Variants in GK observed in about 807,000 individuals in gnomAD.
The protein encoded by GK is ATP:glycerol 3-phosphotransferase.
Under a neutral mutation model 56.4 loss-of-function variants are expected in GK, and 9 were observed. The ratio of observed to expected loss-of-function variants is 0.16; its 90% CI spans 0.10 to 0.28. The LOEUF (loss-of-function observed/expected upper bound fraction) is 0.28. GK is among the 10% of genes least tolerant of loss of function. The probability of loss-of-function intolerance (pLI) is 1.00; values close to 1 mark genes in which losing one functional copy is unlikely to be tolerated. For missense variants in GK, 161 were observed against 431.4 expected (o/e 0.37, Z 5.55); for synonymous variants, 104 against 144.1 (o/e 0.72, Z 1.99).
intron 18 of GK, among the ~76,000 whole-genome samples, chrX:30,723,046 G>C (rs537552432): frequency 7.1e-5 from 8 of 112,144 alleles, no homozygotes; most frequent in African/African-American, 2.6e-4. Context: ...TGTCTCAGAG[G>C]AATGCAATTC....
intron 9 of GK, among the ~76,000 whole-genome samples, chrX:30,699,240 TAACATG>T: frequency 2.0e-5 from 2 of 99,413 alleles, no homozygotes; most frequent in Non-Finnish European, 4.0e-5. Flanking sequence ...ATGTTATGTA[TAACATG>T]TTATATATAC....
rs1281221171 is a variant in GK, at chrX:30,729,931, A to G, written c.*1189A>G. Reference sequence around the variant, plus strand: ...AATACCTAAGTAGAAAAAAATATAGAAATAAAGCCAAGAATCTCTTTCAGT... The same window carrying G: ...AATACCTAAGTAGAAAAAAATATAGGAATAAAGCCAAGAATCTCTTTCAGT... On this transcript the variant is annotated 3_prime_UTR_variant, in exon 21 of 21. Coordinates refer to ENST00000427190, the MANE Select transcript of GK (RefSeq NM_001205019.2). 3 of 112,348 alleles carry G rather than the reference A, an allele frequency of 2.7e-5. No individual in the cohort carries two copies. The highest frequency in any genetic ancestry group is 5.6e-5 in the Non-Finnish European group (3 of 53,138). 9.3% of individuals were successfully genotyped at this position (112,348 alleles called of 1,213,427 possible).
At chrX:30,692,822 A>G (rs1935034178) in intron 5 of GK, among the ~76,000 whole-genome samples, 1 of 109,086 alleles carries the variant, frequency 9.2e-6, no homozygotes, top group African/African-American at 3.3e-5. Context: ...ACCTTGAGTT[A>G]AGATTTTTAA....
intron 5 of GK, among the ~76,000 whole-genome samples, chrX:30,692,436 A>G (rs1323476594): frequency 4.7e-5 from 5 of 106,710 alleles, no homozygotes; most frequent in Non-Finnish European, 7.8e-5. Context: ...TTTTGGGATG[A>G]CCCTTGTTCC....
At chrX:30,661,795 A>G (rs1213389530) in intron 1 of GK, among the ~76,000 whole-genome samples, 1 of 112,105 alleles carries the variant, frequency 8.9e-6, no homozygotes, top group Non-Finnish European at 1.9e-5. Context: ...CCAGCAAAAA[A>G]CCAAATGACC....
At chrX:30,715,261 G>A (rs57433711) in intron 13 of GK, among the ~76,000 whole-genome samples, 1 of 112,015 alleles carries the variant, frequency 8.9e-6, no homozygotes, top group Non-Finnish European at 1.9e-5. Context: ...AGCTTTTGAA[G>A]AAAAATGTAT....
intron 19 of GK, among the ~76,000 whole-genome samples, chrX:30,726,350 C>T (rs1451701223): frequency 2.8e-5 from 3 of 105,565 alleles, no homozygotes; most frequent in East Asian, 3.0e-4. Context: ...TGCAATGGCA[C>T]GATCTCTGCT....
chrX:30,696,258 A>C, intron 7 of GK, 107 bp downstream of exon 7: 1 of 529,734 alleles, frequency 1.9e-6, no homozygotes, highest in Non-Finnish European at 3.4e-6. Context: ...TTAACTGTTG[A>C]TATTTCAACT....
intron 5 of GK, 143 bp downstream of exon 5, chrX:30,691,342 A>C: frequency 2.3e-6 from 1 of 431,069 alleles, no homozygotes; most frequent in South Asian, 3.8e-5. Context: ...ATTGAGGCCA[A>C]CTCAAGTCTT....
intron 18 of GK, among the ~76,000 whole-genome samples, chrX:30,722,830 G>A (rs1936968864): frequency 9.0e-6 from 1 of 111,349 alleles, no homozygotes; most frequent in East Asian, 2.8e-4. Flanking sequence ...TCTGAAGTGA[G>A]TGATTCTTGA....
chrX:30,672,159 C>CAAAAAAAAAAAAAAAAAAAAAA (rs66675920), intron 3 of GK: 1 of 21,170 alleles, frequency 4.7e-5, no homozygotes, highest in Non-Finnish European at 7.5e-5. Flanking sequence ...AACTCCATCT[C>CAAAAAAAAAAAAAAAAAAAAAA]AAAAAAAAAA....
chrX:30,692,661 T>C (rs1181353168), intron 5 of GK, among the ~76,000 whole-genome samples: 1 of 110,406 alleles, frequency 9.1e-6, no homozygotes, highest in Non-Finnish European at 1.9e-5. Context: ...ATTCTATTTT[T>C]AGTGGCCAGG....
chrX:30,712,467 C>A (rs1198190283), intron 13 of GK, among the ~76,000 whole-genome samples: 1 of 110,695 alleles, frequency 9.0e-6, no homozygotes, highest in Non-Finnish European at 1.9e-5. Context: ...TTTACCCCAT[C>A]TAGTACATTT....
chrX:30,655,970 C>G (rs1398586636), intron 1 of GK, among the ~76,000 whole-genome samples: 1 of 111,958 alleles, frequency 8.9e-6, no homozygotes, highest in African/African-American at 3.2e-5. Context: ...TCTTATCCTG[C>G]TTAGAGAATG....
chrX:30,720,960 C>G lies in GK; in HGVS notation c.1466C>G (p.Thr489Arg). 8.3e-7 allele frequency: 1 copy of G among 1,210,178 alleles called. No individual in the cohort carries two copies. Among genetic ancestry groups the G allele is most frequent in the Admixed American group, 2.2e-5 (1 of 46,016 alleles). Residue 489 changes from threonine (T) to arginine (R), a missense_variant, in exon 18 of 21, where the codon ACG becomes AGG. Coordinates refer to ENST00000427190, the MANE Select transcript of GK (RefSeq NM_001205019.2). ...SLEPEDLSAV[T>R]MERFEPQINA... ...GAACCCGAGGATTTGTCTGCCGTCA[C>G]GATGGAGCGGTTTGAACCTCAGATT...
At chrX:30,653,752 G>C in intron 1 of GK, 137 bp downstream of exon 1, 4 of 580,367 alleles carry the variant, frequency 6.9e-6, no homozygotes, top group Non-Finnish European at 8.7e-6. Context: ...AGGCCGGAAC[G>C]GGACCTGCCA....
At chrX:30,695,608 T>C (rs912824801) in intron 6 of GK, among the ~76,000 whole-genome samples, 1 of 112,763 alleles carries the variant, frequency 8.9e-6, no homozygotes, top group Non-Finnish European at 1.9e-5. Context: ...CGAATTGTTA[T>C]TTAAACAACA....
chrX:30,694,731 C>T (rs1269379909), intron 6 of GK, among the ~76,000 whole-genome samples, 194 bp downstream of exon 6: 2 of 111,479 alleles, frequency 1.8e-5, no homozygotes, highest in African/African-American at 6.5e-5. Context: ...TTTATTTTTT[C>T]TTGTCTTACT....
intron 5 of GK, among the ~76,000 whole-genome samples, chrX:30,692,269 T>A (rs1934979968): frequency 9.0e-6 from 1 of 110,863 alleles, no homozygotes; most frequent in African/African-American, 3.3e-5. Flanking sequence ...CCCTGCCCAA[T>A]CCTCATCCTC....
Sources: gnomAD v4.1 joint callset for allele counts (sites outside exome capture counted in the v4.1 genomes callset) on GRCh38, gnomAD v4.1.1 for gene constraint, MANE v1.5 for transcripts, NCBI Gene and HGNC (gene_info 2026-07-23, HGNC 2026-07-21) for gene names.